Variants in GGNBP2 observed in about 807,000 individuals in gnomAD.
GGNBP2 encodes the protein gametogenetin-binding protein 2.
GGNBP2 carries 10 observed loss-of-function variants against 85.9 expected under a neutral mutation model. That is an observed-to-expected ratio of 0.12 (90% CI 0.07 to 0.20). The LOEUF (loss-of-function observed/expected upper bound fraction) is 0.20. Ranked by LOEUF, GGNBP2 falls within the 10% of genes least tolerant of loss-of-function variation. The pLI is 1.00. For missense variants in GGNBP2, 595 were observed against 857.8 expected, an observed-to-expected ratio of 0.69 and a Z score of 3.83; for synonymous variants, 287 against 285.7, an observed-to-expected ratio of 1.00 and a Z score of -0.05.
intron 5 of GGNBP2, among the ~76,000 whole-genome samples, chr17:36,566,892 A>G (rs950624569): frequency 6.6e-6 from 1 of 150,668 alleles, no homozygotes; most frequent in Admixed American, 6.6e-5. Context: ...TGAGCTGAGC[A>G]TGGTGGCTCA....
intron 2 of GGNBP2, among the ~76,000 whole-genome samples, chr17:36,554,563 C>T (rs927588727): frequency 6.6e-6 from 1 of 151,770 alleles, no homozygotes; most frequent in Non-Finnish European, 1.5e-5. Context: ...GATGGGGTTT[C>T]TCCATGTTGG....
chr17:36,586,253 G>C (rs2074700755), intron 12 of GGNBP2, 55 bp downstream of exon 12: 3 of 1,562,610 alleles, frequency 1.9e-6, no homozygotes, highest in East Asian at 4.6e-5. Flanking sequence ...CAGAACACGT[G>C]TTTTCCTTGG....
intron 2 of GGNBP2, 74 bp downstream of exon 2, chr17:36,545,891 G>A: frequency 9.4e-7 from 1 of 1,067,446 alleles, no homozygotes; most frequent in Non-Finnish European, 1.4e-6. Context: ...CCCCCAGGCC[G>A]AGCGCTGCGC....
rs892895973 is a variant in GGNBP2 at position 36,559,296 on chromosome 17, CAAAAAAAAAAAAA to C, written c.429-1464_429-1452del. On this transcript the variant is annotated intron_variant, in intron 4 of 13. Coordinates refer to ENST00000613102, the MANE Select transcript of GGNBP2 (RefSeq NM_024835.5). ...TGGGCAACAGAGCGAGACTCTGTCT[CAAAAAAAAAAAAA>C]AAAAAAAAAAAAGAATGGGCAAATG... 1.9e-4 allele frequency among the ~76,000 whole-genome samples: 6 copies of C among 31,482 alleles called. No individual in the cohort carries two copies. The East Asian group carries it at 4.6e-3, about 24-fold the overall frequency. 20.7% of individuals were successfully genotyped at this position (31,482 alleles called of 152,430 possible).
At chr17:36,568,761 C>CTT (rs111294455) in intron 6 of GGNBP2, among the ~76,000 whole-genome samples, 45 of 143,780 alleles carry the variant, frequency 3.1e-4, no homozygotes, top group African/African-American at 1.1e-3. Flanking sequence ...AAGGAATTTT[C>CTT]TTTTTTTTTT....
At chr17:36,575,411 T>G (rs1458960704) in intron 6 of GGNBP2, 1 of 236,104 alleles carries the variant, frequency 4.2e-6, no homozygotes, top group East Asian at 1.3e-4. Flanking sequence ...CATCACTTAG[T>G]CCAGTGTCAT....
At chr17:36,573,182 G>A (rs923097306) in intron 6 of GGNBP2, among the ~76,000 whole-genome samples, 9 of 151,786 alleles carry the variant, frequency 5.9e-5, no homozygotes, top group African/African-American at 1.7e-4. Flanking sequence ...GCTTGATCTC[G>A]GTTCACTGCA....
rs1567836718 is a variant in GGNBP2 at position 36,587,173 on chromosome 17, G to C, written c.1818G>C (p.Gln606His). The change falls in exon 13 of 14, where the codon CAG becomes CAC. Residue 606 changes from glutamine (Q) to histidine (H), a missense_variant. Gln to His is a conservative substitution (Grantham distance 24). Around this residue, in one of 9 missense-constraint regions of GGNBP2, gnomAD observed 120 missense variants for 126.3 expected, o/e 0.95. Transcript: ENST00000613102. ...PWFEHRKNVP[Q>H]FAEPTETLFG... ...TTGAGCATAGGAAAAATGTACCACA[G>C]TTTGCAGAACCTACAGAAACGTTGT... is the stretch of plus-strand genomic sequence containing the variant. 1.2e-6 allele frequency: 2 copies of C among 1,614,148 alleles called. No homozygotes were observed. The highest frequency in any genetic ancestry group is 1.7e-6 in the Non-Finnish European group (2 of 1,180,022).
chr17:36,567,816 C>A (rs1156753656), intron 6 of GGNBP2, 40 bp downstream of exon 6: 1 of 1,074,300 alleles, frequency 9.3e-7, no homozygotes, highest in Non-Finnish European at 1.4e-6. Flanking sequence ...TGGAAGGTGC[C>A]TTATGTGTCA....
intron 13 of GGNBP2, 37 bp from the exon 14 acceptor site, chr17:36,589,168 ATTC>A: frequency 6.9e-7 from 1 of 1,443,296 alleles, no homozygotes; most frequent in Non-Finnish European, 9.7e-7. Context: ...AACATTTTGC[ATTC>A]TTAAGTCATA....
chr17:36,585,510 T>C (rs2074692559), intron 10 of GGNBP2, 60 bp downstream of exon 10: 1 of 1,176,678 alleles, frequency 8.5e-7, no homozygotes, highest in Non-Finnish European at 1.2e-6. Context: ...TACTGTTAAA[T>C]GTAAGAGCTT....
rs2074596014 is a variant in GGNBP2 at position 36,576,777 on chromosome 17, A to ATT, written c.642-1206_642-1205insTT. ...GAATGAATACTAGTTGGCTCTACTC[A>ATT]ATAGGAAGACCCAGGGAGAAGTTGG... On this transcript the variant is annotated intron_variant, in intron 6 of 13. Coordinates refer to ENST00000613102, the MANE Select transcript of GGNBP2 (RefSeq NM_024835.5). 3 of 151,398 alleles carry ATT rather than the reference A, an allele frequency of 2.0e-5. No homozygotes were observed. In the East Asian group the frequency reaches 5.8e-4, roughly 29 times the overall value. 9.4% of individuals were successfully genotyped at this position (151,398 alleles called of 1,614,324 possible).
At chr17:36,582,583 A>AT (rs2074662108) in intron 9 of GGNBP2, 1 of 152,086 alleles carries the variant, frequency 6.6e-6, no homozygotes, top group South Asian at 2.1e-4. Context: ...AGATTTGGGC[A>AT]TTTTTACTAT....
chr17:36,581,264 G>A (rs1217278374), intron 8 of GGNBP2, 80 bp from the exon 9 acceptor site: 11 of 968,626 alleles, frequency 1.1e-5, no homozygotes, highest in Middle Eastern at 2.4e-4. Flanking sequence ...CAGTCTGGGC[G>A]ACAGAGCAAG....
intron 2 of GGNBP2, among the ~76,000 whole-genome samples, chr17:36,552,431 T>A (rs1253980010): frequency 6.6e-6 from 1 of 152,232 alleles, no homozygotes; most frequent in Non-Finnish European, 1.5e-5. Context: ...GATATTTTGC[T>A]CTTTTCAGTC....
At chr17:36,586,588 A>T in intron 12 of GGNBP2, 1 of 257,908 alleles carries the variant, frequency 3.9e-6, no homozygotes, top group South Asian at 5.7e-5. Context: ...AGCTGCTACT[A>T]TTACTTAGTA....
At chr17:36,572,575 G>C (rs2074536596) in intron 6 of GGNBP2, among the ~76,000 whole-genome samples, 1 of 152,086 alleles carries the variant, frequency 6.6e-6, no homozygotes, top group South Asian at 2.1e-4. Context: ...TGTAGTCCCA[G>C]GTACTCAGGT....
chr17:36,554,352 ATTTTTTTTTTTTT>A (rs780217291), intron 2 of GGNBP2, among the ~76,000 whole-genome samples: 971 of 44,556 alleles, frequency 0.022, 11 homozygotes, highest in Middle Eastern at 0.18. Context: ...ATGTACTTGA[ATTTTTTTTTTTTT>A]TTTTTTTTTT....
intron 8 of GGNBP2, among the ~76,000 whole-genome samples, chr17:36,579,889 T>G (rs2074628709): frequency 6.6e-6 from 1 of 152,078 alleles, no homozygotes; most frequent in African/African-American, 2.4e-5. Context: ...CGGGCACCTG[T>G]AATCCAGCTA....
Sources: gnomAD v4.1 joint callset for allele counts (sites outside exome capture counted in the v4.1 genomes callset) on GRCh38, gnomAD v4.1.1 for gene constraint, gnomAD v4.1.1 regional missense constraint, MANE v1.5 for transcripts, NCBI Gene and HGNC (gene_info 2026-07-23, HGNC 2026-07-21) for gene names.